METTL2A: variants seen among roughly 807,000 people sequenced by gnomAD.
METTL2A encodes the protein methyltransferase 2A, tRNA N3-cytidine, also known as tRNA N(3)-cytidine methyltransferase METTL2A.
In METTL2A, 45 loss-of-function variants were observed where a neutral mutation model predicts 49.4. That is an observed-to-expected ratio of 0.91 (90% CI 0.72 to 1.17). The LOEUF is 1.17. Ranked by LOEUF, METTL2A falls within the 50% of genes most tolerant of loss-of-function variation. The probability of loss-of-function intolerance (pLI) is 0.00; values close to 1 mark genes in which losing one functional copy is unlikely to be tolerated. For synonymous variants in METTL2A, 118 were observed against 167.5 expected, an observed-to-expected ratio of 0.70 and a Z score of 2.28; for missense variants, 361 against 462.2, an observed-to-expected ratio of 0.78 and a Z score of 2.01.
chr17:62,446,316 C>G (rs1354256641), intron 7 of METTL2A, among the ~76,000 whole-genome samples: 3 of 146,804 alleles, frequency 2.0e-5, no homozygotes, highest in South Asian at 2.1e-4. Context: ...AGTGTTACAG[C>G]CTTTTTTTTT....
chr17:62,445,407 G>A (rs185023729), intron 7 of METTL2A, among the ~76,000 whole-genome samples: 1,971 of 152,120 alleles, frequency 0.013, 46 homozygotes, highest in African/African-American at 0.045. Context: ...TGACAGAGTA[G>A]TATATTTTTT....
rs538149740 is a variant in METTL2A at position 62,451,679 on chromosome 17, G to A, written c.*2950G>A. Among the ~76,000 whole-genome samples, 2 of 151,776 alleles carry A rather than the reference G, an allele frequency of 1.3e-5. No individual in the cohort carries two copies. Among genetic ancestry groups the A allele is most frequent in the African/African-American group, 4.8e-5 (2 of 41,454 alleles). Reference sequence around the variant, plus strand: ...GACCAAGGTAGGTGGATCACCTGAGGTCGGGAGTTGGAGACCAGCCTGACC... The same window carrying A: ...GACCAAGGTAGGTGGATCACCTGAGATCGGGAGTTGGAGACCAGCCTGACC... On this transcript the variant is annotated 3_prime_UTR_variant, in exon 9 of 9. Coordinates refer to ENST00000311506, the MANE Select transcript of METTL2A (RefSeq NM_181725.4).
intron 4 of METTL2A, among the ~76,000 whole-genome samples, chr17:62,431,479 A>C (rs969087709): frequency 6.6e-6 from 1 of 151,698 alleles, no homozygotes; most frequent in Admixed American, 6.6e-5. Context: ...TCAGCCTCCC[A>C]AGTAGCTGGG....
chr17:62,430,468 G>T (rs993739573), intron 4 of METTL2A, among the ~76,000 whole-genome samples: 2 of 152,148 alleles, frequency 1.3e-5, no homozygotes, highest in African/African-American at 2.4e-5. Flanking sequence ...GGTTTAAATT[G>T]TTGGGCATAG....
Position 62,451,498 on chromosome 17 carries a change from C to G in METTL2A, c.*2769C>G, listed in dbSNP as rs936352695. Reference sequence around the variant, plus strand: ...TAAAAATAGGCCGGGTGCGGTGGCTCACACCTGTAATCCCAGCACTTTGGG... The same window carrying G: ...TAAAAATAGGCCGGGTGCGGTGGCTGACACCTGTAATCCCAGCACTTTGGG... On this transcript the variant is annotated 3_prime_UTR_variant, in exon 9 of 9. Transcript: ENST00000311506. Among the ~76,000 whole-genome samples, 2 of 149,904 alleles carry G rather than the reference C, an allele frequency of 1.3e-5. No homozygotes were observed. The highest frequency in any genetic ancestry group is 4.9e-5 in the African/African-American group (2 of 40,992).
chr17:62,441,532 C>T (rs60039694), intron 6 of METTL2A, among the ~76,000 whole-genome samples: 1 of 152,030 alleles, frequency 6.6e-6, no homozygotes, highest in South Asian at 2.1e-4. Flanking sequence ...TTGCAACCTC[C>T]ACCTCCCCGG....
chr17:62,427,459 A>G (rs986881637), intron 3 of METTL2A, among the ~76,000 whole-genome samples: 6 of 152,222 alleles, frequency 3.9e-5, no homozygotes, highest in Non-Finnish European at 7.3e-5. Flanking sequence ...GTCTATTACA[A>G]ATATTTTCAC....
intron 7 of METTL2A, among the ~76,000 whole-genome samples, 165 bp downstream of exon 7, chr17:62,445,108 AC>A (rs1255245497): frequency 3.0e-5 from 4 of 135,468 alleles, no homozygotes; most frequent in Admixed American, 7.9e-5. Context: ...ACACATGGAC[AC>A]GGGGCGGGGG....
chr17:62,440,491 G>GA lies in METTL2A; in HGVS notation c.670-120dup, dbSNP rs1567736552. The GA allele has an allele frequency of 9.5e-6, 13 of 1,372,572 alleles. No homozygotes were observed. The South Asian group carries it at 1.9e-4, about 20-fold the overall frequency. 85.0% of individuals were successfully genotyped at this position (1,372,572 alleles called of 1,614,324 possible). A position where few individuals can be genotyped will look rare whatever the true frequency, so the allele number is the denominator to read the frequency against. On this transcript the variant is annotated intron_variant, in intron 5 of 8. Coordinates refer to ENST00000311506, the MANE Select transcript of METTL2A (RefSeq NM_181725.4). ...GGAGATTTTGCCTCAAGAAAAAAAA[G>GA]AAAAAAGAAATATATCCCTCTTTGT... is the stretch of plus-strand genomic sequence containing the variant.
chr17:62,440,285 A>G (rs1429577224), intron 5 of METTL2A, among the ~76,000 whole-genome samples: 2 of 152,128 alleles, frequency 1.3e-5, no homozygotes, highest in Non-Finnish European at 2.9e-5. Context: ...TTGGCCTCCC[A>G]AAGTGCTGGG....
intron 6 of METTL2A, among the ~76,000 whole-genome samples, chr17:62,443,550 C>T (rs1376706482): frequency 2.0e-5 from 3 of 152,132 alleles, no homozygotes; most frequent in Non-Finnish European, 4.4e-5. Flanking sequence ...AGAGTCCAGC[C>T]GAGGCAACAT....
Position 62,424,279 on chromosome 17 carries a change from C to A in METTL2A, c.171C>A (p.Asn57Lys). 6.2e-7 allele frequency: 1 copy of A among 1,613,994 alleles called. No homozygotes were observed. ...CGGCGGAGAGAAAAGTCCAGGAGAA[C>A]AGTATCCAGCGGGTGTGCCAGGAGA... ...AAAAERKVQE[N>K]SIQRVCQEKQ... is the part of the protein sequence containing the mutation. Residue 57 changes from asparagine to lysine, a missense_variant, in exon 2 of 9, where the codon AAC becomes AAA. Coordinates refer to ENST00000311506, the MANE Select transcript of METTL2A (RefSeq NM_181725.4).
At position 62,440,743 on chromosome 17, in the gene METTL2A, A is replaced by T. The variant is rs746878739; in HGVS notation, c.796A>T (p.Ile266Phe). ...CATTCTCATATTTGTTCTTTCAGCA[A>T]TTGTTCCAGACAAGTAAGTTTGGGT... ...IIILIFVLSA[I>F]VPDKMQKAIN... is the part of the protein sequence containing the mutation. The change falls in exon 6 of 9, where the codon ATT (isoleucine) becomes TTT (phenylalanine). Residue 266 changes from isoleucine to phenylalanine, a missense_variant. Transcript: ENST00000311506. 5.0e-6 allele frequency: 8 copies of T among 1,613,828 alleles called. No homozygotes were observed. The highest frequency in any genetic ancestry group is 6.8e-6 in the Non-Finnish European group (8 of 1,179,976).
chr17:62,432,746 G>A lies in METTL2A; in HGVS notation c.609-2486G>A, dbSNP rs1567734752. Among the ~76,000 whole-genome samples, 4 of 151,994 alleles carry A rather than the reference G, an allele frequency of 2.6e-5. No individual in the cohort carries two copies. The South Asian group carries it at 8.3e-4, about 31-fold the overall frequency. On this transcript the variant is annotated intron_variant, in intron 4 of 8. Coordinates refer to ENST00000311506, the MANE Select transcript of METTL2A (RefSeq NM_181725.4). ...GAACCTGGGAGGCGGAGCTTGCAGT[G>A]AGCGGAGATTGCACCACTACACTCC... is the stretch of plus-strand genomic sequence containing the variant.
At chr17:62,434,050 G>C (rs145899648) in intron 4 of METTL2A, among the ~76,000 whole-genome samples, 6,329 of 152,184 alleles carry the variant, frequency 0.042, 474 homozygotes, top group African/African-American at 0.14. Flanking sequence ...AACTTAGCCC[G>C]TGACCTTAAT....
At chr17:62,433,609 G>T (rs1487067615) in intron 4 of METTL2A, among the ~76,000 whole-genome samples, 2 of 151,298 alleles carry the variant, frequency 1.3e-5, no homozygotes, top group Non-Finnish European at 2.9e-5. Context: ...GCATGGTGGT[G>T]GGCACCTGTA....
intron 5 of METTL2A, among the ~76,000 whole-genome samples, chr17:62,436,433 T>A (rs2070700637): frequency 6.6e-6 from 1 of 152,030 alleles, no homozygotes; most frequent in Non-Finnish European, 1.5e-5. Flanking sequence ...GCACCTGTAG[T>A]CCCAGCTACT....
At chr17:62,432,860 G>A (rs958889102) in intron 4 of METTL2A, among the ~76,000 whole-genome samples, 1 of 146,086 alleles carries the variant, frequency 6.8e-6, no homozygotes, top group African/African-American at 2.5e-5. Context: ...CTACTTTGGA[G>A]GCTGAGGCCA....
At chr17:62,442,764 A>C (rs146566482) in intron 6 of METTL2A, among the ~76,000 whole-genome samples, 1 of 152,324 alleles carries the variant, frequency 6.6e-6, no homozygotes, top group East Asian at 1.9e-4. Context: ...ACATCTCCTC[A>C]TTCTGTGTCA....
Sources: gnomAD v4.1 joint callset for allele counts (sites outside exome capture counted in the v4.1 genomes callset) on GRCh38, gnomAD v4.1.1 for gene constraint, MANE v1.5 for transcripts, NCBI Gene and HGNC (gene_info 2026-07-23, HGNC 2026-07-21) for gene names.